Variants in BBX observed in about 807,000 individuals in gnomAD.
The protein encoded by BBX is HMG box transcription factor BBX.
BBX carries 30 observed loss-of-function variants against 100.2 expected under a neutral mutation model. That is an observed-to-expected ratio of 0.30 (90% CI 0.22 to 0.41). The LOEUF is 0.41. Among genes scored for constraint, BBX ranks in the 10% least tolerant of loss-of-function variants. BBX has a pLI of 1.00. For synonymous variants in BBX, 376 were observed against 388.1 expected (o/e 0.97, Z 0.37); for missense variants, 1,023 against 1,129.8 (o/e 0.91, Z 1.35).
chr3:107,770,660 A>G (rs147289288), intron 10 of BBX, among the ~76,000 whole-genome samples: 35 of 152,296 alleles, frequency 2.3e-4, no homozygotes, highest in African/African-American at 7.7e-4. Flanking sequence ...TCTAAAGGTT[A>G]GCTTACCTGA....
At chr3:107,716,482 T>C in intron 4 of BBX, 125 bp from the exon 5 acceptor site, 2 of 1,175,750 alleles carry the variant, frequency 1.7e-6, no homozygotes, top group Non-Finnish European at 2.4e-6. Flanking sequence ...AATTATATTT[T>C]TTTCAATGTG....
intron 3 of BBX, among the ~76,000 whole-genome samples, chr3:107,697,017 C>T (rs1033403974): frequency 7.2e-5 from 11 of 151,876 alleles, no homozygotes; most frequent in Non-Finnish European, 1.6e-4. Context: ...GCATTCTTCA[C>T]GTAGTTCTCG....
At chr3:107,751,160 G>T (rs2065048124) in intron 9 of BBX, among the ~76,000 whole-genome samples, 1 of 151,888 alleles carries the variant, frequency 6.6e-6, no homozygotes, top group Non-Finnish European at 1.5e-5. Context: ...ACGGTGGAAG[G>T]GTCAAGAGAG....
At chr3:107,532,278 A>T (rs1221447298) in intron 2 of BBX, among the ~76,000 whole-genome samples, 1 of 152,188 alleles carries the variant, frequency 6.6e-6, no homozygotes, top group Admixed American at 6.5e-5. Flanking sequence ...CAGATAAATT[A>T]TGCTGTGAGT....
intron 2 of BBX, among the ~76,000 whole-genome samples, chr3:107,621,668 G>A (rs990673153): frequency 1.3e-5 from 2 of 152,154 alleles, no homozygotes; most frequent in Non-Finnish European, 2.9e-5. Flanking sequence ...GTGACATAGT[G>A]TTCTTTGATT....
intron 3 of BBX, among the ~76,000 whole-genome samples, chr3:107,674,336 A>C (rs28666434): frequency 0.11 from 16,236 of 152,142 alleles, 1,100 homozygotes; most frequent in Admixed American, 0.14. Flanking sequence ...TTCCTAAGTC[A>C]TTGTCTCACT....
At chr3:107,797,724 A>G (rs1444266817) in intron 15 of BBX, among the ~76,000 whole-genome samples, 1 of 152,118 alleles carries the variant, frequency 6.6e-6, no homozygotes. Flanking sequence ...AGCTTCCCCA[A>G]TCTGTGTAAA....
At chr3:107,657,589 G>A (rs1296091924) in intron 3 of BBX, among the ~76,000 whole-genome samples, 2 of 152,112 alleles carry the variant, frequency 1.3e-5, no homozygotes, top group African/African-American at 4.8e-5. Flanking sequence ...TTAAAAGAAA[G>A]TCAAAGATAG....
intron 3 of BBX, among the ~76,000 whole-genome samples, chr3:107,681,568 C>T (rs190835378): frequency 2.0e-5 from 3 of 152,076 alleles, no homozygotes; most frequent in African/African-American, 4.8e-5. Flanking sequence ...AACAGCCTTG[C>T]CAAGTAAGGA....
intron 2 of BBX, among the ~76,000 whole-genome samples, chr3:107,552,797 T>G (rs1042768318): frequency 5.9e-5 from 9 of 152,228 alleles, no homozygotes; most frequent in African/African-American, 2.2e-4. Flanking sequence ...TAATTTCCTT[T>G]TTCAGGTCTG....
chr3:107,750,140 T>C (rs1232643430), intron 9 of BBX, among the ~76,000 whole-genome samples: 2 of 152,154 alleles, frequency 1.3e-5, no homozygotes, highest in African/African-American at 4.8e-5. Flanking sequence ...CTCTTAATTA[T>C]ACTAAGTTTT....
intron 2 of BBX, among the ~76,000 whole-genome samples, chr3:107,602,126 G>GA (rs1458661241): frequency 2.0e-5 from 3 of 152,106 alleles, no homozygotes; most frequent in Non-Finnish European, 4.4e-5. Context: ...CTGCTGCTCG[G>GA]AAAAAATGTT....
chr3:107,570,747 GAGGTCA>G (rs2107515078), intron 2 of BBX, among the ~76,000 whole-genome samples: 1 of 152,176 alleles, frequency 6.6e-6, no homozygotes, highest in Admixed American at 6.5e-5. Flanking sequence ...GAGGAGGGGA[GAGGTCA>G]GATGGGTCTG....
chr3:107,661,744 AT>A lies in BBX; in HGVS notation c.-10+15838del, dbSNP rs764554320. On this transcript the variant is annotated intron_variant, in intron 3 of 17. Coordinates refer to ENST00000325805, the MANE Select transcript of BBX (RefSeq NM_001142568.3). ...ACTCTTTTGCTCCTCTCAACTCTTTATTTCTGTCCTCTGTTTATTTCCATGT... is the reference window on the plus strand; with the variant it reads ...ACTCTTTTGCTCCTCTCAACTCTTTATTCTGTCCTCTGTTTATTTCCATGT... 3.7e-5 allele frequency: 15 copies of A among 400,648 alleles called. No homozygotes were observed. The South Asian group carries it at 1.6e-3, about 42-fold the overall frequency. The allele number at this position is 400,648 out of a possible 1,614,324, so 24.8% of individuals were successfully genotyped here.
At chr3:107,591,641 G>C (rs1249649062) in intron 2 of BBX, among the ~76,000 whole-genome samples, 1 of 152,132 alleles carries the variant, frequency 6.6e-6, no homozygotes, top group Non-Finnish European at 1.5e-5. Context: ...GCATGCGCCA[G>C]TACGCCTGGC....
At chr3:107,649,899 A>G (rs700417) in intron 3 of BBX, among the ~76,000 whole-genome samples, 75,079 of 152,058 alleles carry the variant, frequency 0.49, 19,987 homozygotes, top group East Asian at 0.92. Flanking sequence ...GTGATGGTCA[A>G]AAGTTCATAT....
At chr3:107,800,500 T>C (rs752798607) in intron 16 of BBX, among the ~76,000 whole-genome samples, 25 of 152,252 alleles carry the variant, frequency 1.6e-4, no homozygotes, top group Non-Finnish European at 3.7e-4. Flanking sequence ...GTATACTCAT[T>C]TGTAGCAGGC....
intron 3 of BBX, among the ~76,000 whole-genome samples, chr3:107,700,233 A>G (rs1000695703): frequency 4.0e-5 from 6 of 151,826 alleles, no homozygotes; most frequent in Middle Eastern, 3.4e-3. Context: ...ACTGGAGGGA[A>G]ACATATAGAT....
chr3:107,713,777 A>G (rs975707675), intron 4 of BBX, among the ~76,000 whole-genome samples: 1 of 151,904 alleles, frequency 6.6e-6, no homozygotes, highest in Non-Finnish European at 1.5e-5. Flanking sequence ...CATCTTCTTC[A>G]TCCTTGTCTC....
Sources: gnomAD v4.1 joint callset for allele counts (sites outside exome capture counted in the v4.1 genomes callset) on GRCh38, gnomAD v4.1.1 for gene constraint, MANE v1.5 for transcripts, NCBI Gene and HGNC (gene_info 2026-07-23, HGNC 2026-07-21) for gene names.